PPIC: variants seen among roughly 807,000 people sequenced by gnomAD.
PPIC encodes the protein peptidyl-prolyl cis-trans isomerase C.
Under a neutral mutation model 19.5 loss-of-function variants are expected in PPIC, and 19 were observed. The ratio of observed to expected loss-of-function variants is 0.98; its 90% CI spans 0.68 to 1.43. PPIC has a LOEUF of 1.43. PPIC is among the 40% of genes most tolerant of loss of function. The probability of loss-of-function intolerance (pLI) is 0.00; values close to 1 mark genes in which losing one functional copy is unlikely to be tolerated. For synonymous variants in PPIC, 107 were observed against 101.2 expected (o/e 1.06, Z -0.34); for missense variants, 268 against 268.6 (o/e 1.00, Z 0.02).
chr5:123,028,214 G>C (rs1178344271), intron 3 of PPIC, among the ~76,000 whole-genome samples: 1 of 152,146 alleles, frequency 6.6e-6, no homozygotes, highest in Non-Finnish European at 1.5e-5. Context: ...ACAGAAAAAT[G>C]AAAACACATA....
intron 1 of PPIC, among the ~76,000 whole-genome samples, chr5:123,030,926 G>C (rs1319904253): frequency 6.6e-6 from 1 of 152,140 alleles, no homozygotes; most frequent in South Asian, 2.1e-4. Flanking sequence ...AAATAAAGAA[G>C]AGAAAACAAA....
chr5:123,034,960 C>A (rs1445123252), intron 1 of PPIC, among the ~76,000 whole-genome samples: 1 of 152,196 alleles, frequency 6.6e-6, no homozygotes, highest in African/African-American at 2.4e-5. Flanking sequence ...ATGCTTAAAA[C>A]CCTTCAGTGG....
chr5:123,029,695 G>A (rs952515593), intron 1 of PPIC, among the ~76,000 whole-genome samples: 1 of 152,142 alleles, frequency 6.6e-6, no homozygotes, highest in African/African-American at 2.4e-5. Flanking sequence ...CTCTGTCAGT[G>A]TTGGCCAATG....
chr5:123,026,949 C>T (rs987681835), intron 3 of PPIC, among the ~76,000 whole-genome samples: 1 of 152,132 alleles, frequency 6.6e-6, no homozygotes, highest in Admixed American at 6.6e-5. Context: ...AATCCCAGCA[C>T]TTTGGGAGGC....
chr5:123,027,773 C>T (rs1286233809), intron 3 of PPIC, among the ~76,000 whole-genome samples: 2 of 152,136 alleles, frequency 1.3e-5, no homozygotes, highest in South Asian at 2.1e-4. Flanking sequence ...AAATATCCAC[C>T]GAAACCAGTA....
At position 123,025,920 on chromosome 5, in the gene PPIC, T is replaced by G. The variant is rs1381823269; in HGVS notation, c.374A>C (p.Lys125Thr). 1.2e-6 allele frequency: 2 copies of G among 1,611,464 alleles called. No homozygotes were observed. The highest frequency in any genetic ancestry group is 2.7e-5 in the African/African-American group (2 of 74,768). ...ETFPDENFKLKHYGIGWVSMA... is the reference protein window; with the variant it reads ...ETFPDENFKLTHYGIGWVSMA... The stretch of plus-strand genomic sequence containing the variant: ...GCTGACCCACCCAATGCCATAGTGC[T>G]TCAGCTTGAAGTTCTCATCTGGAAA... The change falls in exon 4 of 5, where the codon AAG (lysine) becomes ACG (threonine). Residue 125 changes from lysine (K) to threonine (T), a missense_variant. Transcript: ENST00000306442.
Position 123,023,495 on chromosome 5 carries a change from G to T in PPIC, c.*380C>A, listed in dbSNP as rs15577. The T allele has an allele frequency of 0.23, 35,575 of 154,032 alleles. 5,232 individuals are homozygous for T. Among genetic ancestry groups the T allele is most frequent in the Non-Finnish European group, 0.34 (23,436 of 69,132 alleles). 9.5% of individuals were successfully genotyped at this position (154,032 alleles called of 1,614,324 possible). On this transcript the variant is annotated 3_prime_UTR_variant, in exon 5 of 5. Coordinates refer to ENST00000306442, the MANE Select transcript of PPIC (RefSeq NM_000943.5). ...CAAATTTCCCTTTATCTGAATTTCT[G>T]TTTGGATACAAAATAATAATATCCT... is the stretch of plus-strand genomic sequence containing the variant.
Position 123,036,423 on chromosome 5 carries a change from G to T in PPIC, c.117+86C>A. On this transcript the variant is annotated intron_variant, in intron 1 of 4. Transcript: ENST00000306442. This position sits in a 1 kb window ranked among gnomAD's most constrained non-coding sequence, Gnocchi z 4.5. ...CGCCCGGGAAGCCTCCACCTCGCCC[G>T]CCCTGACACCGAGGTCCCAGTATCC... 3.2e-6 allele frequency: 4 copies of T among 1,247,426 alleles called. No individual in the cohort carries two copies. Among genetic ancestry groups the T allele is most frequent in the Non-Finnish European group, 4.5e-6 (4 of 881,326 alleles). 77.3% of individuals were successfully genotyped at this position (1,247,426 alleles called of 1,614,324 possible).
intron 4 of PPIC, among the ~76,000 whole-genome samples, chr5:123,024,905 C>T (rs543919619): frequency 6.6e-6 from 1 of 152,328 alleles, no homozygotes; most frequent in African/African-American, 2.4e-5. Flanking sequence ...GAGAGAGCTA[C>T]TTCAGGCACC....
At chr5:123,031,256 G>A (rs1484243669) in intron 1 of PPIC, among the ~76,000 whole-genome samples, 3 of 152,166 alleles carry the variant, frequency 2.0e-5, no homozygotes, top group Admixed American at 1.3e-4. Flanking sequence ...CCTGTCCTAA[G>A]GCAGTTTAAA....
chr5:123,023,859 T>C lies in PPIC; in HGVS notation c.*16A>G. 1 of 1,601,152 alleles carries C rather than the reference T, an allele frequency of 6.2e-7. No homozygotes were observed. Among genetic ancestry groups the C allele is most frequent in the Non-Finnish European group, 8.5e-7 (1 of 1,171,772 alleles). On this transcript the variant is annotated 3_prime_UTR_variant, in exon 5 of 5. Coordinates refer to ENST00000306442, the MANE Select transcript of PPIC (RefSeq NM_000943.5). ...ACACCCCTGCCAAAGCATATCCTTG[T>C]TTTCTGCCAGTTGTGTCACCAATCA...
chr5:123,029,020 A>G, intron 2 of PPIC, 152 bp from the exon 3 acceptor site: 2 of 848,916 alleles, frequency 2.4e-6, no homozygotes. Context: ...AGAGAAATTT[A>G]TCATTAGCTG....
intron 1 of PPIC, among the ~76,000 whole-genome samples, chr5:123,032,211 A>G (rs1429359683): frequency 2.0e-5 from 3 of 152,254 alleles, no homozygotes; most frequent in Admixed American, 2.0e-4. Flanking sequence ...ATCATCTTAT[A>G]TAATTCATCC....
At chr5:123,026,914 G>T (rs1032815009) in intron 3 of PPIC, among the ~76,000 whole-genome samples, 1 of 152,156 alleles carries the variant, frequency 6.6e-6, no homozygotes, top group Admixed American at 6.5e-5. Flanking sequence ...CCAGAAGTAG[G>T]CTGGGTGCAG....
intron 1 of PPIC, among the ~76,000 whole-genome samples, chr5:123,035,775 C>G (rs1023668239): frequency 6.6e-6 from 1 of 152,182 alleles, no homozygotes; most frequent in Non-Finnish European, 1.5e-5. Flanking sequence ...GAAAAAAGAA[C>G]TGAAGCGGAG....
chr5:123,029,440 A>C (rs1581874232), intron 1 of PPIC, 22 bp from the exon 2 acceptor site: 6 of 1,558,680 alleles, frequency 3.8e-6, no homozygotes, highest in Non-Finnish European at 4.3e-6. Flanking sequence ...TGAAAGGCAA[A>C]GTGGAAGGTT....
chr5:123,027,877 G>A lies in PPIC; in HGVS notation c.325+898C>T, dbSNP rs45521331. On this transcript the variant is annotated intron_variant, in intron 3 of 4. Coordinates refer to ENST00000306442, the MANE Select transcript of PPIC (RefSeq NM_000943.5). ...TTCAAGAAAAGAACTAAACTTTTAA[G>A]AGAAAACAGTGTATGGAGCTGGATA... 5.7e-4 allele frequency among the ~76,000 whole-genome samples: 87 copies of A among 152,284 alleles called. 1 individual carries two copies. The highest frequency in any genetic ancestry group is 7.6e-4 in the Non-Finnish European group (52 of 68,020).
At position 123,036,093 on chromosome 5, in the gene PPIC, T is replaced by C. The variant is rs1346901972; in HGVS notation, c.117+416A>G. On this transcript the variant is annotated intron_variant, in intron 1 of 4. Coordinates refer to ENST00000306442, the MANE Select transcript of PPIC (RefSeq NM_000943.5). The surrounding 1 kb of genome is among the most constrained non-coding windows in gnomAD (Gnocchi z 4.5). ...CTGCAAGCCCTGGGCTCCGAGCGCCTCTCCTGTGCGGGTCCCGCCCCCCTC... is the reference window on the plus strand; with the variant it reads ...CTGCAAGCCCTGGGCTCCGAGCGCCCCTCCTGTGCGGGTCCCGCCCCCCTC... 1.7e-4 allele frequency among the ~76,000 whole-genome samples: 26 copies of C among 151,840 alleles called. No homozygotes were observed. Among genetic ancestry groups the C allele is most frequent in the Non-Finnish European group, 1.5e-5 (1 of 67,876 alleles).
chr5:123,023,753 A>G lies in PPIC; in HGVS notation c.*122T>C. Reference sequence around the variant, plus strand: ...TTTTATAACTTTCCTGTGATCTGGGATAGAATACAAAAAGAAAGTAAAAAA... The same window carrying G: ...TTTTATAACTTTCCTGTGATCTGGGGTAGAATACAAAAAGAAAGTAAAAAA... On this transcript the variant is annotated 3_prime_UTR_variant, in exon 5 of 5. Transcript: ENST00000306442. The G allele has an allele frequency of 7.3e-7, 1 of 1,377,952 alleles. No individual in the cohort carries two copies. The highest frequency in any genetic ancestry group is 9.6e-7 in the Non-Finnish European group (1 of 1,047,084). The allele number at this position is 1,377,952 out of a possible 1,614,324, so 85.4% of individuals were successfully genotyped here. A position where few individuals can be genotyped will look rare whatever the true frequency, so the allele number is the denominator to read the frequency against.
Sources: gnomAD v4.1 joint callset for allele counts (sites outside exome capture counted in the v4.1 genomes callset) on GRCh38, gnomAD v4.1.1 for gene constraint, Gnocchi (gnomAD v3.1) non-coding constraint, MANE v1.5 for transcripts, NCBI Gene and HGNC (gene_info 2026-07-23, HGNC 2026-07-21) for gene names.